Variants in EYS observed in about 807,000 individuals in gnomAD.
EYS encodes EGF-like photoreceptor maintenance factor.
A neutral mutation model predicts 282.1 loss-of-function variants in EYS; 250 were observed. The observed-to-expected ratio is 0.89, with a 90% CI of 0.80 to 0.98. EYS has a LOEUF of 0.98. Ranked by LOEUF, EYS falls within the 50% of genes least tolerant of loss-of-function variation. The probability of loss-of-function intolerance (pLI) is 0.00; values close to 1 mark genes in which losing one functional copy is unlikely to be tolerated. For missense variants in EYS, 4,016 were observed against 3,709.0 expected (o/e 1.08, Z -2.15); for synonymous variants, 1,355 against 1,282.9 (o/e 1.06, Z -1.20).
chr6:64,862,518 CT>C, intron 19 of EYS, among the ~76,000 whole-genome samples: 1 of 152,122 alleles, frequency 6.6e-6, no homozygotes, highest in South Asian at 2.1e-4. Context: ...AATTGTTCAT[CT>C]TTTCACTCAT....
At chr6:63,913,856 A>G (rs1764346405) in intron 35 of EYS, among the ~76,000 whole-genome samples, 1 of 151,972 alleles carries the variant, frequency 6.6e-6, no homozygotes, top group African/African-American at 2.4e-5. Flanking sequence ...GTTTTTTTTG[A>G]AGGTTTGTGG....
chr6:65,033,880 C>T (rs1244557077), intron 13 of EYS, among the ~76,000 whole-genome samples: 2 of 152,192 alleles, frequency 1.3e-5, no homozygotes, highest in Non-Finnish European at 2.9e-5. Flanking sequence ...TGACAGCTTG[C>T]ACCCTGTGCC....
chr6:64,504,048 T>C (rs75270289), intron 26 of EYS, among the ~76,000 whole-genome samples: 7,831 of 152,196 alleles, frequency 0.051, 679 homozygotes, highest in African/African-American at 0.18. Flanking sequence ...AGCCTGTGGA[T>C]CTGTGAGTCA....
chr6:64,841,935 G>A (rs925511728), intron 19 of EYS, among the ~76,000 whole-genome samples: 2 of 151,960 alleles, frequency 1.3e-5, no homozygotes, highest in Non-Finnish European at 2.9e-5. Flanking sequence ...TAAAACCATG[G>A]AAATCAAGCA....
chr6:64,007,902 C>T (rs994870129), intron 33 of EYS, among the ~76,000 whole-genome samples: 2 of 151,982 alleles, frequency 1.3e-5, no homozygotes, highest in Non-Finnish European at 2.9e-5. Context: ...TGTTTTATGG[C>T]CAATTTTGTC....
chr6:64,924,783 C>T (rs762625971), intron 15 of EYS, among the ~76,000 whole-genome samples: 20 of 152,280 alleles, frequency 1.3e-4, no homozygotes, highest in African/African-American at 4.8e-4. Context: ...CAGTTCCCAA[C>T]AAGTTCTTCA....
chr6:64,757,816 G>A (rs1384375168), intron 22 of EYS, among the ~76,000 whole-genome samples: 1 of 141,192 alleles, frequency 7.1e-6, no homozygotes, highest in East Asian at 2.4e-4. Context: ...ACGGAGTCTC[G>A]CTCTGTCGCC....
At chr6:64,574,661 A>C (rs980285788) in intron 26 of EYS, among the ~76,000 whole-genome samples, 12 of 152,166 alleles carry the variant, frequency 7.9e-5, no homozygotes, top group African/African-American at 2.9e-4. Flanking sequence ...ACAAAAATAA[A>C]CAAAAACTGA....
chr6:65,057,785 C>T (rs1773461838), intron 12 of EYS, 58 bp from the exon 13 acceptor site: 4 of 1,182,800 alleles, frequency 3.4e-6, no homozygotes, highest in Admixed American at 2.0e-5. Context: ...TGTATCAAGT[C>T]GTAATTCTTA....
At chr6:65,618,232 A>C (rs1383125031) in intron 2 of EYS, among the ~76,000 whole-genome samples, 1 of 152,210 alleles carries the variant, frequency 6.6e-6, no homozygotes, top group South Asian at 2.1e-4. Flanking sequence ...CTGAATTTTT[A>C]ATGATCGCCA....
At chr6:65,104,024 C>G (rs1328534018) in intron 12 of EYS, among the ~76,000 whole-genome samples, 1 of 151,322 alleles carries the variant, frequency 6.6e-6, no homozygotes, top group Non-Finnish European at 1.5e-5. Flanking sequence ...ACTCTAAGTT[C>G]AGTGTTTCTC....
intron 41 of EYS, among the ~76,000 whole-genome samples, chr6:63,740,235 A>T (rs185082019): frequency 2.6e-5 from 4 of 152,004 alleles, no homozygotes; most frequent in Admixed American, 2.6e-4. Flanking sequence ...TGATTGAGTC[A>T]TGGGGGCAGG....
At chr6:63,957,122 T>TAATCCTCTCTTC (rs1172790853) in intron 35 of EYS, among the ~76,000 whole-genome samples, 1 of 142,508 alleles carries the variant, frequency 7.0e-6, no homozygotes, top group Non-Finnish European at 1.6e-5. Flanking sequence ...GGATGAAGCT[T>TAATCCTCTCTTC]ATGTAAGACA....
At chr6:64,550,615 A>G (rs1765043260) in intron 26 of EYS, among the ~76,000 whole-genome samples, 1 of 152,196 alleles carries the variant, frequency 6.6e-6, no homozygotes, top group Non-Finnish European at 1.5e-5. Context: ...GGCTAGGGCA[A>G]TCAGGCAGGA....
At chr6:63,971,467 G>T (rs1016796348) in intron 35 of EYS, among the ~76,000 whole-genome samples, 10 of 152,102 alleles carry the variant, frequency 6.6e-5, no homozygotes, top group African/African-American at 2.4e-4. Context: ...AATAGCACTG[G>T]AAGTAGTCTA....
chr6:65,016,881 G>A (rs907588203), intron 13 of EYS, among the ~76,000 whole-genome samples: 2 of 152,144 alleles, frequency 1.3e-5, no homozygotes, highest in African/African-American at 4.8e-5. Context: ...AGAAGATCTA[G>A]CTAACACTGT....
intron 22 of EYS, among the ~76,000 whole-genome samples, chr6:64,675,504 T>C (rs1346158843): frequency 1.4e-5 from 2 of 140,616 alleles, no homozygotes; most frequent in African/African-American, 2.6e-5. Flanking sequence ...CTTGGCTCAC[T>C]GCAACCTCCA....
At chr6:64,451,472 C>T (rs1775337568) in intron 26 of EYS, among the ~76,000 whole-genome samples, 1 of 152,076 alleles carries the variant, frequency 6.6e-6, no homozygotes, top group African/African-American at 2.4e-5. Context: ...CTATTCCAAT[C>T]AATAGAAAAA....
At chr6:65,285,087 A>G (rs1768323871) in intron 12 of EYS, among the ~76,000 whole-genome samples, 1 of 152,014 alleles carries the variant, frequency 6.6e-6, no homozygotes, top group African/African-American at 2.4e-5. Context: ...ATGTAATGGA[A>G]GCTTTCAAAG....
Sources: gnomAD v4.1 joint callset for allele counts (sites outside exome capture counted in the v4.1 genomes callset) on GRCh38, gnomAD v4.1.1 for gene constraint, MANE v1.5 for transcripts, NCBI Gene and HGNC (gene_info 2026-07-23, HGNC 2026-07-21) for gene names.